The following MAF variants were observed in gnomAD, a reference collection of about 807,000 sequenced individuals.
The protein encoded by MAF is transcription factor Maf.
A neutral mutation model predicts 22.0 loss-of-function variants in MAF; 10 were observed. That is an observed-to-expected ratio of 0.45 (90% confidence interval 0.28 to 0.77). MAF has a LOEUF of 0.77. Among genes scored for constraint, MAF ranks in the 30% least tolerant of loss-of-function variants. The pLI, the probability that MAF is intolerant of heterozygous loss-of-function variation, is 0.12. For synonymous variants in MAF, 337 were observed against 255.8 expected, an observed-to-expected ratio of 1.32 and a Z score of -3.03; for missense variants, 544 against 548.4, an observed-to-expected ratio of 0.99 and a Z score of 0.08.
the MAF span, among the ~76,000 whole-genome samples, chr16:79,255,778 C>G: frequency 6.6e-6 from 1 of 152,044 alleles, no homozygotes; most frequent in Admixed American, 6.6e-5. Context: ...GGTGGCAATT[C>G]CCTTGATTAA....
chr16:79,486,836 A>C, the MAF span, among the ~76,000 whole-genome samples: 3 of 152,214 alleles, frequency 2.0e-5, no homozygotes, highest in Admixed American at 2.0e-4. Context: ...CGTGTTTGAG[A>C]AATAAAGTTT....
At chr16:79,589,079 G>C (rs776195008), downstream of MAF, among the ~76,000 whole-genome samples, 1 of 152,132 alleles carries the variant, frequency 6.6e-6, no homozygotes, top group Non-Finnish European at 1.5e-5. Flanking sequence ...CCCTAAGAGA[G>C]AGGGAGAGAG....
At chr16:79,385,885 C>T in the MAF span, among the ~76,000 whole-genome samples, 18 of 152,016 alleles carry the variant, frequency 1.2e-4, no homozygotes, top group Admixed American at 4.6e-4. Flanking sequence ...CCCACCTGGG[C>T]TAAAGAGAGA....
chr16:79,434,437 T>C, the MAF span, among the ~76,000 whole-genome samples: 9 of 152,150 alleles, frequency 5.9e-5, no homozygotes, highest in African/African-American at 2.2e-4. Flanking sequence ...TCAACCAGCT[T>C]TTGCAAAATA....
At chr16:79,368,264 C>A in the MAF span, among the ~76,000 whole-genome samples, 5 of 152,238 alleles carry the variant, frequency 3.3e-5, no homozygotes, top group South Asian at 1.0e-3. Flanking sequence ...TGAGCCACAT[C>A]CCTGGCTCTT....
chr16:79,556,603 G>A, the MAF span, among the ~76,000 whole-genome samples: 1 of 152,146 alleles, frequency 6.6e-6, no homozygotes. Context: ...ACAAATTATG[G>A]GGACAAGGGT....
chr16:79,578,628 G>C, the MAF span, among the ~76,000 whole-genome samples: 1 of 152,006 alleles, frequency 6.6e-6, no homozygotes, highest in African/African-American at 2.4e-5. Context: ...TCTCCCATTT[G>C]ACAAATATTA....
At chr16:79,313,843 T>C in the MAF span, among the ~76,000 whole-genome samples, 1 of 152,084 alleles carries the variant, frequency 6.6e-6, no homozygotes, top group Non-Finnish European at 1.5e-5. Context: ...GAGGTGTAAG[T>C]CTCAGAACTC....
chr16:79,487,849 C>T, the MAF span, among the ~76,000 whole-genome samples: 1 of 152,178 alleles, frequency 6.6e-6, no homozygotes, highest in South Asian at 2.1e-4. Flanking sequence ...TGATGGTAAA[C>T]AGCTCTGCTT....
At chr16:79,317,913 T>TTCATTCAC in the MAF span, among the ~76,000 whole-genome samples, 1 of 144,452 alleles carries the variant, frequency 6.9e-6, no homozygotes, top group Non-Finnish European at 1.5e-5. Flanking sequence ...CATTCATTCA[T>TTCATTCAC]TCACTCACTC....
the MAF span, among the ~76,000 whole-genome samples, chr16:79,535,101 T>C: frequency 2.8e-5 from 4 of 140,812 alleles, no homozygotes; most frequent in Non-Finnish European, 3.1e-5. Flanking sequence ...CAATTCTGCA[T>C]TTTGAATTCG....
At chr16:79,596,198 G>A (rs1312230674) in intron 1 of MAF, 1 of 1,061,592 alleles carries the variant, frequency 9.4e-7, no homozygotes, top group African/African-American at 1.6e-5. Context: ...CCACTGTTTT[G>A]TTTTGTTTTT....
At chr16:79,226,560 T>C in the MAF span, among the ~76,000 whole-genome samples, 1 of 152,158 alleles carries the variant, frequency 6.6e-6, no homozygotes, top group South Asian at 2.1e-4. Flanking sequence ...TATAACCTAT[T>C]AGATGAAAAA....
chr16:79,600,577 G>A lies in MAF; in HGVS notation c.-675C>T, dbSNP rs188356862. On this transcript the variant is annotated 5_prime_UTR_variant, in exon 1 of 2. Coordinates refer to ENST00000326043, the MANE Select transcript of MAF (RefSeq NM_005360.5). ...GCCCGACTGGAGGAGAGGGAGGGGGGAGTTTAGTTCTTTCTTGCCTTTTTT... is the reference window on the plus strand; with the variant it reads ...GCCCGACTGGAGGAGAGGGAGGGGGAAGTTTAGTTCTTTCTTGCCTTTTTT... 6.8e-3 allele frequency: 1,324 copies of A among 196,096 alleles called. 17 individuals carry two copies. The highest frequency in any genetic ancestry group is 4.7e-3 in the Non-Finnish European group (400 of 85,140). 12.1% of individuals were successfully genotyped at this position (196,096 alleles called of 1,614,324 possible).
the MAF span, among the ~76,000 whole-genome samples, chr16:79,497,845 C>T: frequency 2.6e-5 from 4 of 152,324 alleles, no homozygotes; most frequent in Admixed American, 6.5e-5. Flanking sequence ...GATACAGCAG[C>T]GCTGATTCCT....
chr16:79,312,434 T>C, the MAF span, among the ~76,000 whole-genome samples: 3 of 152,196 alleles, frequency 2.0e-5, no homozygotes, highest in Non-Finnish European at 2.9e-5. Flanking sequence ...CCTCCATACA[T>C]GCATTTCACG....
chr16:79,445,446 C>A, the MAF span, among the ~76,000 whole-genome samples: 16 of 152,282 alleles, frequency 1.1e-4, no homozygotes, highest in South Asian at 2.7e-3. Context: ...AATGAGGAGA[C>A]CAAGTCTTCA....
the MAF span, among the ~76,000 whole-genome samples, chr16:79,357,026 G>A: frequency 6.6e-6 from 1 of 152,332 alleles, no homozygotes; most frequent in South Asian, 2.1e-4. Flanking sequence ...GGAGGCCAAG[G>A]CAGCTGGATC....
the MAF span, among the ~76,000 whole-genome samples, chr16:79,224,092 A>G: frequency 6.6e-6 from 1 of 152,204 alleles, no homozygotes; most frequent in Non-Finnish European, 1.5e-5. Flanking sequence ...CCTGATGAAC[A>G]TTGCTGCGAA....
Sources: gnomAD v4.1 joint callset for allele counts (sites outside exome capture counted in the v4.1 genomes callset) on GRCh38, gnomAD v4.1.1 for gene constraint, MANE v1.5 for transcripts, NCBI Gene and HGNC (gene_info 2026-07-23, HGNC 2026-07-21) for gene names.